The following PITPNC1 variants were observed in gnomAD, a reference collection of about 807,000 sequenced individuals.
The protein encoded by PITPNC1 is cytoplasmic phosphatidylinositol transfer protein 1.
PITPNC1 carries 18 observed loss-of-function variants against 44.7 expected under a neutral mutation model. The ratio of observed to expected loss-of-function variants is 0.40; its 90% confidence interval spans 0.28 to 0.60. The LOEUF (loss-of-function observed/expected upper bound fraction) is 0.60, where lower values mean the gene tolerates loss of function less well. Ranked by LOEUF, PITPNC1 falls within the 20% of genes least tolerant of loss-of-function variation. PITPNC1 has a pLI of 0.39. For synonymous variants in PITPNC1, 141 were observed against 149.6 expected (o/e 0.94, Z 0.42); for missense variants, 290 against 418.4 (o/e 0.69, Z 2.68).
At chr17:67,500,687 A>T (rs1047575223) in intron 1 of PITPNC1, among the ~76,000 whole-genome samples, 6 of 150,542 alleles carry the variant, frequency 4.0e-5, no homozygotes, top group African/African-American at 1.5e-4. Flanking sequence ...AATTGAGAGA[A>T]GGTCTCACTC....
At chr17:67,532,993 A>T in intron 2 of PITPNC1, 43 bp downstream of exon 2, 1 of 1,542,886 alleles carries the variant, frequency 6.5e-7, no homozygotes, top group Non-Finnish European at 8.8e-7. Context: ...GCCCCCTCCC[A>T]CCTGACCCCA....
intron 1 of PITPNC1, among the ~76,000 whole-genome samples, chr17:67,529,763 A>G (rs920031528): frequency 2.0e-5 from 3 of 152,094 alleles, no homozygotes; most frequent in Non-Finnish European, 4.4e-5. Context: ...CCTGGCCAAC[A>G]TGGTGAAACC....
intron 1 of PITPNC1, among the ~76,000 whole-genome samples, chr17:67,505,284 T>G (rs2040086014): frequency 6.6e-6 from 1 of 152,222 alleles, no homozygotes; most frequent in Non-Finnish European, 1.5e-5. Flanking sequence ...TGCCTAGTTG[T>G]TCTATCCATT....
At chr17:67,619,812 A>G (rs928669162) in intron 5 of PITPNC1, among the ~76,000 whole-genome samples, 3 of 151,720 alleles carry the variant, frequency 2.0e-5, no homozygotes, top group African/African-American at 7.3e-5. Flanking sequence ...GTGTGTGTCA[A>G]TATTTCACCC....
chr17:67,383,858 A>G (rs1014769609), intron 1 of PITPNC1, among the ~76,000 whole-genome samples: 1 of 151,888 alleles, frequency 6.6e-6, no homozygotes, highest in Non-Finnish European at 1.5e-5. Flanking sequence ...GACTAACATG[A>G]GAAACCCCGT....
intron 1 of PITPNC1, among the ~76,000 whole-genome samples, chr17:67,486,001 A>T (rs1298987190): frequency 4.9e-4 from 74 of 152,348 alleles, no homozygotes; most frequent in Non-Finnish European, 5.9e-5. Context: ...TAGTATTAAA[A>T]TTTCTTCTGG....
intron 1 of PITPNC1, among the ~76,000 whole-genome samples, chr17:67,405,492 AT>A (rs926903531): frequency 6.6e-6 from 1 of 151,970 alleles, no homozygotes; most frequent in Non-Finnish European, 1.5e-5. Context: ...CTGTTCAAAA[AT>A]TTTTATTTTT....
chr17:67,483,918 CTT>C (rs60856668), intron 1 of PITPNC1, among the ~76,000 whole-genome samples: 27 of 111,682 alleles, frequency 2.4e-4, no homozygotes, highest in Middle Eastern at 4.4e-3. Context: ...CGTTTTCTTT[CTT>C]TTTTTTTTTT....
intron 1 of PITPNC1, among the ~76,000 whole-genome samples, chr17:67,417,584 G>A (rs1397207209): frequency 6.6e-6 from 1 of 152,124 alleles, no homozygotes; most frequent in African/African-American, 2.4e-5. Context: ...GGCCTGAATT[G>A]AATCTCTTGT....
intron 1 of PITPNC1, among the ~76,000 whole-genome samples, chr17:67,409,100 C>T (rs1430226828): frequency 9.5e-5 from 7 of 73,584 alleles, no homozygotes; most frequent in Admixed American, 1.9e-4. Context: ...TTTTTTGAGA[C>T]GGAGTCTCGC....
At chr17:67,688,873 G>C (rs1371397420) in intron 8 of PITPNC1, among the ~76,000 whole-genome samples, 1 of 152,162 alleles carries the variant, frequency 6.6e-6, no homozygotes, top group African/African-American at 2.4e-5. Context: ...CCTTGGCTTG[G>C]CTTTCTTTCA....
At chr17:67,687,741 T>C (rs1290595669) in intron 8 of PITPNC1, among the ~76,000 whole-genome samples, 1 of 152,144 alleles carries the variant, frequency 6.6e-6, no homozygotes, top group African/African-American at 2.4e-5. Flanking sequence ...GGGTGTGAGC[T>C]GGGGATGTGC....
intron 4 of PITPNC1, among the ~76,000 whole-genome samples, chr17:67,568,684 G>A (rs1174161141): frequency 6.6e-6 from 1 of 151,840 alleles, no homozygotes; most frequent in Non-Finnish European, 1.5e-5. Context: ...GGGGAAAAGG[G>A]GGAAACAGCT....
chr17:67,412,481 T>C (rs1450435608), intron 1 of PITPNC1, among the ~76,000 whole-genome samples: 1 of 152,206 alleles, frequency 6.6e-6, no homozygotes, highest in Non-Finnish European at 1.5e-5. Flanking sequence ...TGACCTTACC[T>C]TAAATAAGCC....
intron 1 of PITPNC1, among the ~76,000 whole-genome samples, chr17:67,439,328 AC>A (rs2038979682): frequency 6.6e-6 from 1 of 152,186 alleles, no homozygotes; most frequent in Non-Finnish European, 1.5e-5. Flanking sequence ...CATGGCCGTC[AC>A]CCTCCTAATA....
intron 1 of PITPNC1, among the ~76,000 whole-genome samples, chr17:67,443,401 C>T (rs1003819350): frequency 4.6e-5 from 7 of 151,872 alleles, no homozygotes; most frequent in African/African-American, 7.2e-5. Context: ...GGAAATTGTT[C>T]GTTTCCACTC....
rs887393977 is a variant in PITPNC1 at position 67,378,102 on chromosome 17, G to T, written c.-53G>T. ...CTGCGCCTGGGCAGCAGCCTTGCTG[G>T]TCTTGGGGGCGCCCCCCGCTTCCCG... On this transcript the variant is annotated 5_prime_UTR_variant, in exon 1 of 9. Transcript: ENST00000581322. 7.3e-7 allele frequency: 1 copy of T among 1,372,280 alleles called. No homozygotes were observed. The allele number at this position is 1,372,280 out of a possible 1,614,324, so 85.0% of individuals were successfully genotyped here. A position where few individuals can be genotyped will look rare whatever the true frequency, so the allele number is the denominator to read the frequency against.
At chr17:67,405,938 G>C (rs2038391574) in intron 1 of PITPNC1, among the ~76,000 whole-genome samples, 1 of 152,002 alleles carries the variant, frequency 6.6e-6, no homozygotes, top group South Asian at 2.1e-4. Flanking sequence ...GTCTCTTCCT[G>C]ATCCCAGACC....
intron 5 of PITPNC1, among the ~76,000 whole-genome samples, chr17:67,631,624 G>A (rs1457017381): frequency 1.7e-4 from 1 of 5,894 alleles, no homozygotes; most frequent in Non-Finnish European, 3.9e-4. Flanking sequence ...GTGAGACTCC[G>A]TCTCAAAAAC....
Sources: gnomAD v4.1 joint callset for allele counts (sites outside exome capture counted in the v4.1 genomes callset) on GRCh38, gnomAD v4.1.1 for gene constraint, MANE v1.5 for transcripts, NCBI Gene and HGNC (gene_info 2026-07-23, HGNC 2026-07-21) for gene names.